ALDH2: variants seen among roughly 807,000 people sequenced by gnomAD.
ALDH2 encodes aldehyde dehydrogenase 2 family member.
A neutral mutation model predicts 59.6 loss-of-function variants in ALDH2; 44 were observed. The ratio of observed to expected loss-of-function variants is 0.74; its 90% CI spans 0.58 to 0.95. ALDH2 has a LOEUF of 0.95. ALDH2 is among the 40% of genes least tolerant of loss of function. ALDH2 has a pLI of 0.00. For synonymous variants in ALDH2, 291 were observed against 284.0 expected (o/e 1.02, Z -0.25); for missense variants, 570 against 696.3 (o/e 0.82, Z 2.04).
At chr12:111,794,907 A>G (rs1199215756) in intron 9 of ALDH2, among the ~76,000 whole-genome samples, 2 of 152,188 alleles carry the variant, frequency 1.3e-5, no homozygotes, top group Non-Finnish European at 2.9e-5. Context: ...TATATTCACA[A>G]CTTTGTGCAA....
intron 9 of ALDH2, among the ~76,000 whole-genome samples, chr12:111,794,302 G>C (rs775581680): frequency 2.0e-5 from 3 of 152,162 alleles, no homozygotes; most frequent in Non-Finnish European, 4.4e-5. Flanking sequence ...ACAGGCGTGA[G>C]CCATTGTGCC....
chr12:111,803,974 G>T lies in ALDH2; in HGVS notation c.1521+1G>T. 6.2e-7 allele frequency: 1 copy of T among 1,603,624 alleles called. No individual in the cohort carries two copies. The highest frequency in any genetic ancestry group is 8.5e-7 in the Non-Finnish European group (1 of 1,174,208). ...GCAGGCATACACTGAAGTGAAAACT[G>T]TGAGTGTGGGACCTGCTGGGGGCTC... On this transcript the variant is annotated splice_donor_variant, in intron 12 of 12. Coordinates refer to ENST00000261733, the MANE Select transcript of ALDH2 (RefSeq NM_000690.4). LOFTEE classifies it high-confidence loss of function.
chr12:111,791,937 T>G, intron 7 of ALDH2, 124 bp from the exon 8 acceptor site: 1 of 690,600 alleles, frequency 1.4e-6, no homozygotes, highest in Non-Finnish European at 2.6e-6. Context: ...TTGGTGAAAT[T>G]CTCTAGGTCT....
At chr12:111,806,828 C>T (rs2068498663) in intron 12 of ALDH2, among the ~76,000 whole-genome samples, 1 of 151,822 alleles carries the variant, frequency 6.6e-6, no homozygotes, top group Non-Finnish European at 1.5e-5. Context: ...AAAAATTGGC[C>T]AGGCTGGTGG....
At chr12:111,802,861 C>T (rs868301919) in intron 11 of ALDH2, among the ~76,000 whole-genome samples, 52 of 138,032 alleles carry the variant, frequency 3.8e-4, no homozygotes, top group Middle Eastern at 8.1e-3. Flanking sequence ...GCCAGGGCGA[C>T]GGAGCGAGAC....
In ALDH2 at chr12:111,809,868, G is replaced by C. The variant is rs552684652; in HGVS notation, c.*293G>C. 2.8e-5 allele frequency: 13 copies of C among 464,998 alleles called. No individual in the cohort carries two copies. In the Middle Eastern group the frequency reaches 1.8e-3, roughly 65 times the overall value. The allele number at this position is 464,998 out of a possible 1,614,324, so 28.8% of individuals were successfully genotyped here. A position where few individuals can be genotyped will look rare whatever the true frequency, so the allele number is the denominator to read the frequency against. ...CTCTCTGAAACGCTTCCTATAACTCGAGTTTATAGGGGAAGAAAAAGCTAT... is the reference window on the plus strand; with the variant it reads ...CTCTCTGAAACGCTTCCTATAACTCCAGTTTATAGGGGAAGAAAAAGCTAT... On this transcript the variant is annotated 3_prime_UTR_variant, in exon 13 of 13. Transcript: ENST00000261733.
chr12:111,789,063 G>A (rs1451700484), intron 4 of ALDH2, among the ~76,000 whole-genome samples: 1 of 147,274 alleles, frequency 6.8e-6, no homozygotes, highest in Non-Finnish European at 1.5e-5. Flanking sequence ...TGTTGCCCAG[G>A]CTGGAGTACA....
chr12:111,778,493 C>T lies in ALDH2; in HGVS notation c.115-3425C>T, dbSNP rs184571718. Among the ~76,000 whole-genome samples, 289 of 149,168 alleles carry T rather than the reference C, an allele frequency of 1.9e-3. 1 individual carries two copies. The highest frequency in any genetic ancestry group is 6.3e-3 in the African/African-American group (253 of 40,352). ...CTGAAAGGCGGAGGTTGCAGTGAGC[C>T]GGGATCGCTCCATTGCACTCCAGCC... On this transcript the variant is annotated intron_variant, in intron 1 of 12. Transcript: ENST00000261733.
chr12:111,780,512 T>C (rs1026736053), intron 1 of ALDH2, among the ~76,000 whole-genome samples: 1 of 152,172 alleles, frequency 6.6e-6, no homozygotes, highest in East Asian at 1.9e-4. Context: ...GGACTGCTGG[T>C]CCTCCGGCTC....
chr12:111,797,233 C>A (rs2068412638), intron 9 of ALDH2, among the ~76,000 whole-genome samples: 1 of 152,152 alleles, frequency 6.6e-6, no homozygotes, highest in African/African-American at 2.4e-5. Flanking sequence ...GCCCCTGGCC[C>A]AAGCTTTCCT....
intron 4 of ALDH2, among the ~76,000 whole-genome samples, chr12:111,788,355 G>A (rs1393604491): frequency 6.6e-6 from 1 of 152,236 alleles, no homozygotes; most frequent in Non-Finnish European, 1.5e-5. Flanking sequence ...GGTACTACTG[G>A]CATCTAGTGG....
intron 1 of ALDH2, among the ~76,000 whole-genome samples, chr12:111,769,687 C>A (rs2068185185): frequency 6.6e-6 from 1 of 151,888 alleles, no homozygotes; most frequent in African/African-American, 2.4e-5. Context: ...TCATTTAACC[C>A]TTTCCAAGGA....
chr12:111,798,797 A>G (rs2136023385), intron 10 of ALDH2, among the ~76,000 whole-genome samples: 1 of 152,172 alleles, frequency 6.6e-6, no homozygotes, highest in South Asian at 2.1e-4. Context: ...ACCTGAGGTC[A>G]TGAGTTCGAG....
chr12:111,807,801 G>C (rs1458892890), intron 12 of ALDH2, among the ~76,000 whole-genome samples: 1 of 152,084 alleles, frequency 6.6e-6, no homozygotes, highest in Non-Finnish European at 1.5e-5. Context: ...CCATGATGTG[G>C]GGTTTGATGT....
In ALDH2 at chr12:111,790,571, C is replaced by G. The variant is rs1183233953; in HGVS notation, c.681+9C>G. ...CCAACCTGATCAAGGAGGTGCGTGG[C>G]TTATCCTGGTCTTAACCTCTAAATG... On this transcript the variant is annotated intron_variant, in intron 6 of 12. Transcript: ENST00000261733. 1.2e-6 allele frequency: 2 copies of G among 1,613,978 alleles called. No individual in the cohort carries two copies. Among genetic ancestry groups the G allele is most frequent in the Non-Finnish European group, 1.7e-6 (2 of 1,180,012 alleles).
chr12:111,783,015 C>T (rs575517249), intron 2 of ALDH2, 143 bp from the exon 3 acceptor site: 777 of 1,028,360 alleles, frequency 7.6e-4, no homozygotes, highest in Non-Finnish European at 9.2e-4. Context: ...AGGGCTCTGC[C>T]GGGCTAGGAG....
At position 111,767,054 on chromosome 12, in the gene ALDH2, C is replaced by T. The variant is rs200369180; in HGVS notation, c.72C>T (p.Ala24=). ...TCTTGTCAGCCGCCGCCACCCAGGC[C>T]GTGCCTGCCCCCAACCAGCAGCCCG... ...RRLLSAAATQ[A]VPAPNQQPEV... The change falls in exon 1 of 13, where the codon GCC becomes GCT. Residue 24 remains alanine (A), a synonymous_variant. Coordinates refer to ENST00000261733, the MANE Select transcript of ALDH2 (RefSeq NM_000690.4). 5 of 1,529,420 alleles carry T rather than the reference C, an allele frequency of 3.3e-6. No homozygotes were observed. The East Asian group carries it at 1.0e-4, about 31-fold the overall frequency. The allele number at this position is 1,529,420 out of a possible 1,614,324, so 94.7% of individuals were successfully genotyped here.
At chr12:111,771,567 G>A (rs1269679743) in intron 1 of ALDH2, among the ~76,000 whole-genome samples, 2 of 152,124 alleles carry the variant, frequency 1.3e-5, no homozygotes, top group Non-Finnish European at 2.9e-5. Flanking sequence ...TACAAATAAT[G>A]TATCTCAAAA....
chr12:111,779,869 G>A (rs1410303586), intron 1 of ALDH2, among the ~76,000 whole-genome samples: 1 of 152,160 alleles, frequency 6.6e-6, no homozygotes, highest in African/African-American at 2.4e-5. Flanking sequence ...AGCAGAGGGC[G>A]AACTCTGGCA....
Sources: gnomAD v4.1 joint callset for allele counts (sites outside exome capture counted in the v4.1 genomes callset) on GRCh38, gnomAD v4.1.1 for gene constraint, MANE v1.5 for transcripts, NCBI Gene and HGNC (gene_info 2026-07-23, HGNC 2026-07-21) for gene names.